Variants in TIAM1 observed in about 807,000 individuals in gnomAD.
TIAM1 encodes rho guanine nucleotide exchange factor TIAM1.
In TIAM1, 65 loss-of-function variants were observed where a neutral mutation model predicts 163.5. The observed-to-expected ratio is 0.40, with a 90% CI of 0.33 to 0.49. The LOEUF is 0.49. Among genes scored for constraint, TIAM1 ranks in the 20% least tolerant of loss-of-function variants. The pLI, the probability that TIAM1 is intolerant of heterozygous loss-of-function variation, is 0.77. For synonymous variants in TIAM1, 833 were observed against 810.1 expected (o/e 1.03, Z -0.48); for missense variants, 1,789 against 2,044.7 (o/e 0.87, Z 2.41).
intron 13 of TIAM1, among the ~76,000 whole-genome samples, chr21:31,190,265 C>A (rs2085491227): frequency 6.6e-6 from 1 of 152,034 alleles, no homozygotes. Flanking sequence ...AAAAAATTAG[C>A]TGGGCATGGT....
At chr21:31,415,442 T>C (rs563538266) in intron 2 of TIAM1, among the ~76,000 whole-genome samples, 8 of 152,222 alleles carry the variant, frequency 5.3e-5, no homozygotes, top group Non-Finnish European at 2.9e-5. Context: ...GTATCCCCCA[T>C]GTGCAAACAC....
intron 2 of TIAM1, among the ~76,000 whole-genome samples, chr21:31,429,432 C>T (rs1008314279): frequency 6.6e-6 from 1 of 151,270 alleles, no homozygotes; most frequent in Non-Finnish European, 1.5e-5. Flanking sequence ...ATTTAGAAAA[C>T]GTTGCACATG....
At chr21:31,227,171 G>A (rs1178126541) in intron 6 of TIAM1, among the ~76,000 whole-genome samples, 5 of 151,958 alleles carry the variant, frequency 3.3e-5, no homozygotes, top group Non-Finnish European at 7.4e-5. Flanking sequence ...TGCCTAGGCT[G>A]GTCTCGAACT....
rs2084722724 is a variant in TIAM1 at position 31,175,605 on chromosome 21, A to AC, written c.2887+6815dup. On this transcript the variant is annotated intron_variant, in intron 15 of 27. Transcript: ENST00000541036. ...ATTCTCTCAATAAATGCTTTATAAA[A>AC]CTTTTTTTTTTGAGACGGAGTCTCC... Among the ~76,000 whole-genome samples, 4 of 151,420 alleles carry AC rather than the reference A, an allele frequency of 2.6e-5. No homozygotes were observed. In the South Asian group the frequency reaches 8.4e-4, roughly 32 times the overall value.
chr21:31,170,950 C>T (rs1177601124), intron 15 of TIAM1, among the ~76,000 whole-genome samples: 4 of 148,858 alleles, frequency 2.7e-5, no homozygotes, highest in East Asian at 4.0e-4. Context: ...GCAGGAGAAC[C>T]GCTTGAACCC....
At chr21:31,299,168 C>T (rs1490474271) in intron 2 of TIAM1, among the ~76,000 whole-genome samples, 3 of 152,148 alleles carry the variant, frequency 2.0e-5, no homozygotes, top group Non-Finnish European at 4.4e-5. Flanking sequence ...GACAAAGCAA[C>T]AATTTGTTCA....
At position 31,266,178 on chromosome 21, in the gene TIAM1, G is replaced by A. The variant is rs1341575391; in HGVS notation, c.795C>T (p.Pro265=). The A allele has an allele frequency of 6.2e-7, 1 of 1,614,160 alleles. No homozygotes were observed. Among genetic ancestry groups the A allele is most frequent in the Admixed American group, 1.7e-5 (1 of 60,034 alleles). ...GYCRNLVSDI[P]NLANHKMPPA... is the part of the protein sequence containing the mutation. ...GTGGCATCTTATGGTTTGCAAGATTGGGAATATCAGACACCAAATTCCGAC... is the reference window on the plus strand; with the variant it reads ...GTGGCATCTTATGGTTTGCAAGATTAGGAATATCAGACACCAAATTCCGAC... Residue 265 remains proline (P), a synonymous_variant, in exon 4 of 28, where the codon CCC becomes CCT. Transcript: ENST00000541036.
chr21:31,210,810 G>GA (rs2086847561), intron 10 of TIAM1, among the ~76,000 whole-genome samples: 1 of 149,022 alleles, frequency 6.7e-6, no homozygotes, highest in South Asian at 2.1e-4. Context: ...AAGAAAGAAA[G>GA]AAAGGTCACC....
intron 2 of TIAM1, among the ~76,000 whole-genome samples, chr21:31,322,786 T>C (rs2075359055): frequency 6.6e-6 from 1 of 151,920 alleles, no homozygotes; most frequent in East Asian, 1.9e-4. Context: ...CGCAATGACA[T>C]TTTAAACCTA....
intron 2 of TIAM1, among the ~76,000 whole-genome samples, chr21:31,302,031 A>T (rs372290889): frequency 2.6e-5 from 4 of 151,782 alleles, no homozygotes; most frequent in African/African-American, 7.2e-5. Context: ...ATAGCCTGCA[A>T]TGCTATCCAG....
intron 10 of TIAM1, among the ~76,000 whole-genome samples, chr21:31,210,566 GA>G (rs1466057010): frequency 1.7e-5 from 2 of 115,426 alleles, no homozygotes; most frequent in Admixed American, 2.1e-4. Flanking sequence ...AAGAAAGAAA[GA>G]AAGAAAGAAA....
At chr21:31,227,155 C>G (rs2088036229) in intron 6 of TIAM1, among the ~76,000 whole-genome samples, 1 of 151,888 alleles carries the variant, frequency 6.6e-6, no homozygotes, top group African/African-American at 2.4e-5. Flanking sequence ...CAGGGTTTCA[C>G]CATGTTGCCT....
intron 2 of TIAM1, among the ~76,000 whole-genome samples, chr21:31,441,041 A>T (rs545565837): frequency 6.6e-6 from 1 of 152,338 alleles, no homozygotes; most frequent in East Asian, 1.9e-4. Context: ...CCAGAGCAGA[A>T]GAGTCACAGC....
intron 1 of TIAM1, among the ~76,000 whole-genome samples, chr21:31,342,473 G>C (rs2076050409): frequency 6.6e-6 from 1 of 152,180 alleles, no homozygotes; most frequent in Admixed American, 6.5e-5. Flanking sequence ...TCTTCCAACA[G>C]TCACATGTGA....
chr21:31,372,418 G>A (rs1167055621), intron 2 of TIAM1, among the ~76,000 whole-genome samples: 2 of 152,188 alleles, frequency 1.3e-5, no homozygotes, highest in Admixed American at 1.3e-4. Flanking sequence ...TGAGTGCCCA[G>A]TAGGAAATAT....
At chr21:31,199,729 G>A (rs1378856096) in intron 12 of TIAM1, among the ~76,000 whole-genome samples, 1 of 150,974 alleles carries the variant, frequency 6.6e-6, no homozygotes, top group East Asian at 1.9e-4. Flanking sequence ...TGGAGTTTCA[G>A]CATGTTGGCC....
At chr21:31,288,068 G>T (rs1334057581) in intron 2 of TIAM1, among the ~76,000 whole-genome samples, 1 of 152,034 alleles carries the variant, frequency 6.6e-6, no homozygotes, top group African/African-American at 2.4e-5. Flanking sequence ...AACTGAAATG[G>T]AAGGTGACAA....
chr21:31,252,493 G>A (rs959421262), intron 4 of TIAM1, among the ~76,000 whole-genome samples: 5 of 152,274 alleles, frequency 3.3e-5, no homozygotes, highest in African/African-American at 9.6e-5. Context: ...GATAATTAAC[G>A]AATTGGCAAA....
intron 15 of TIAM1, among the ~76,000 whole-genome samples, chr21:31,178,471 T>G (rs2146421917): frequency 6.6e-6 from 1 of 152,178 alleles, no homozygotes; most frequent in Non-Finnish European, 1.5e-5. Flanking sequence ...CTTGCCCAGC[T>G]AATTTTTTGT....
Sources: allele counts gnomAD v4.1 joint callset (sites outside exome capture counted in the v4.1 genomes callset), GRCh38; gene constraint gnomAD v4.1.1; transcripts MANE v1.5; gene names NCBI Gene and HGNC (gene_info 2026-07-23, HGNC 2026-07-21).